ADGRG7: variants seen among roughly 807,000 people sequenced by gnomAD.
ADGRG7 encodes adhesion G protein-coupled receptor G7.
In ADGRG7, 82 loss-of-function variants were observed where a neutral mutation model predicts 88.6. The observed-to-expected ratio is 0.93, with a 90% CI of 0.77 to 1.11. The LOEUF (loss-of-function observed/expected upper bound fraction) is 1.11, where lower values mean the gene tolerates loss of function less well. Ranked by LOEUF, ADGRG7 falls within the 50% of genes most tolerant of loss-of-function variation. The pLI is 0.00. For missense variants in ADGRG7, 945 were observed against 953.4 expected (o/e 0.99, Z 0.12); for synonymous variants, 381 against 345.2 (o/e 1.10, Z -1.15).
chr3:100,661,675 A>G (rs950996115), intron 14 of ADGRG7, among the ~76,000 whole-genome samples: 3 of 152,240 alleles, frequency 2.0e-5, no homozygotes, highest in Non-Finnish European at 4.4e-5. Context: ...CTCAAACAAT[A>G]TTCAAGTAAT....
chr3:100,635,915 C>T, intron 5 of ADGRG7, 89 bp downstream of exon 5: 1 of 937,900 alleles, frequency 1.1e-6, no homozygotes, highest in African/African-American at 1.7e-5. Context: ...AATACCACTC[C>T]TTATTCCACA....
At chr3:100,655,325 C>CGTCTAGTA (rs1419028706) in intron 12 of ADGRG7, 144 bp downstream of exon 12, 10 of 593,916 alleles carry the variant, frequency 1.7e-5, no homozygotes. Context: ...GAATACGTTC[C>CGTCTAGTA]GTCTAGTAGC....
At chr3:100,669,352 G>A (rs2149034967) in intron 15 of ADGRG7, among the ~76,000 whole-genome samples, 1 of 152,046 alleles carries the variant, frequency 6.6e-6, no homozygotes, top group South Asian at 2.1e-4. Context: ...AGCCGGGTGT[G>A]GTGGCGGGCG....
chr3:100,661,177 A>G (rs1488675149), intron 14 of ADGRG7, among the ~76,000 whole-genome samples: 1 of 152,154 alleles, frequency 6.6e-6, no homozygotes, highest in African/African-American at 2.4e-5. Context: ...AGAAACTATT[A>G]AACACATATA....
chr3:100,641,240 G>A (rs1707637673), intron 6 of ADGRG7, among the ~76,000 whole-genome samples: 1 of 152,180 alleles, frequency 6.6e-6, no homozygotes, highest in South Asian at 2.1e-4. Context: ...ATAAGTTTGG[G>A]ATCATTTATA....
rs867661379 is a variant in ADGRG7 at position 100,685,644 on chromosome 3, G to A, written c.2137-9100G>A. 9.2e-5 allele frequency among the ~76,000 whole-genome samples: 14 copies of A among 152,122 alleles called. 2 individuals are homozygous for A. The South Asian group carries it at 1.7e-3, about 18-fold the overall frequency. ...GCAGTGTTTGGTTTTTTGTCCTTGC[G>A]ATAGTTTGCTGAGAATGATGGTTTC... On this transcript the variant is annotated intron_variant, in intron 15 of 15. Transcript: ENST00000273352.
chr3:100,671,502 T>C (rs1401705517), intron 15 of ADGRG7, among the ~76,000 whole-genome samples: 1 of 152,180 alleles, frequency 6.6e-6, no homozygotes, highest in Admixed American at 6.5e-5. Context: ...TTCTGTAGGT[T>C]GCTGCCTGTT....
intron 14 of ADGRG7, chr3:100,665,391 ATTGT>A (rs1390390164): frequency 1.3e-5 from 7 of 540,498 alleles, no homozygotes; most frequent in Admixed American, 5.8e-5. Flanking sequence ...CAATAGAAGC[ATTGT>A]TTGTTTCTTT....
chr3:100,620,315 T>G (rs1342554129), intron 1 of ADGRG7, among the ~76,000 whole-genome samples: 1 of 152,214 alleles, frequency 6.6e-6, no homozygotes. Flanking sequence ...AACTATATGA[T>G]TATCTCAATA....
At chr3:100,614,716 C>T (rs1707200574) in intron 1 of ADGRG7, among the ~76,000 whole-genome samples, 1 of 152,104 alleles carries the variant, frequency 6.6e-6, no homozygotes, top group Admixed American at 6.5e-5. Context: ...TTTTATTTCC[C>T]TACTTATTAA....
intron 15 of ADGRG7, among the ~76,000 whole-genome samples, chr3:100,688,190 G>A (rs1199948750): frequency 3.3e-5 from 5 of 152,172 alleles, no homozygotes; most frequent in Non-Finnish European, 4.4e-5. Context: ...ATTCTCTGAT[G>A]CTAGTTTGTA....
At chr3:100,655,628 A>T (rs2149029561) in intron 12 of ADGRG7, among the ~76,000 whole-genome samples, 1 of 152,352 alleles carries the variant, frequency 6.6e-6, no homozygotes, top group East Asian at 1.9e-4. Flanking sequence ...CTGAGGAACT[A>T]TGCCACTGAA....
At chr3:100,673,374 C>A (rs553314789) in intron 15 of ADGRG7, among the ~76,000 whole-genome samples, 1 of 151,786 alleles carries the variant, frequency 6.6e-6, no homozygotes, top group African/African-American at 2.4e-5. Context: ...ATAGTACTCT[C>A]TGATGGTAGT....
At chr3:100,647,409 G>A (rs1236274368) in intron 10 of ADGRG7, among the ~76,000 whole-genome samples, 1 of 152,186 alleles carries the variant, frequency 6.6e-6, no homozygotes, top group South Asian at 2.1e-4. Context: ...TTACTTAGCT[G>A]TATGTGGACA....
intron 6 of ADGRG7, among the ~76,000 whole-genome samples, chr3:100,640,608 G>A (rs971248872): frequency 1.3e-5 from 2 of 151,922 alleles, no homozygotes; most frequent in Non-Finnish European, 2.9e-5. Flanking sequence ...CACAACCTCT[G>A]CCTCCCAAGT....
At chr3:100,610,122 T>C in intron 1 of ADGRG7, 151 bp downstream of exon 1, 1 of 604,196 alleles carries the variant, frequency 1.7e-6, no homozygotes, top group Non-Finnish European at 3.0e-6. Context: ...ACCAAGTCAG[T>C]TAAGCCTAGC....
intron 8 of ADGRG7, among the ~76,000 whole-genome samples, chr3:100,644,565 A>G (rs1411388179): frequency 6.6e-6 from 1 of 152,132 alleles, no homozygotes; most frequent in Non-Finnish European, 1.5e-5. Context: ...GAGAGACAAT[A>G]TTACAGTTGC....
At chr3:100,631,436 G>A (rs1215982944) in intron 3 of ADGRG7, among the ~76,000 whole-genome samples, 1 of 152,136 alleles carries the variant, frequency 6.6e-6, no homozygotes. Context: ...TGTCTTCTGA[G>A]TGTAGGCTTT....
chr3:100,694,660 T>A, intron 15 of ADGRG7, 84 bp from the exon 16 acceptor site: 2 of 1,268,812 alleles, frequency 1.6e-6, no homozygotes, highest in Non-Finnish European at 2.2e-6. Context: ...GATGAGAAGG[T>A]TGGGTGGCAG....
Sources: allele counts gnomAD v4.1 joint callset (sites outside exome capture counted in the v4.1 genomes callset), GRCh38; gene constraint gnomAD v4.1.1; transcripts MANE v1.5; gene names NCBI Gene and HGNC (gene_info 2026-07-23, HGNC 2026-07-21).